Variants in ANKIB1 observed in about 807,000 individuals in gnomAD.
ANKIB1 encodes ankyrin repeat and IBR domain containing 1, also known as ankyrin repeat and IBR domain-containing protein 1.
A neutral mutation model predicts 122.1 loss-of-function variants in ANKIB1; 43 were observed. That is an observed-to-expected ratio of 0.35 (90% CI 0.28 to 0.45). The LOEUF (loss-of-function observed/expected upper bound fraction) is 0.45, where lower values mean the gene tolerates loss of function less well. ANKIB1 is among the 20% of genes least tolerant of loss of function. The pLI is 1.00. For missense variants in ANKIB1, 992 were observed against 1,329.5 expected (o/e 0.75, Z 3.95); for synonymous variants, 390 against 442.0 (o/e 0.88, Z 1.48).
intron 1 of ANKIB1, among the ~76,000 whole-genome samples, chr7:92,276,441 C>T (rs1585083681): frequency 6.6e-6 from 1 of 152,182 alleles, no homozygotes; most frequent in African/African-American, 2.4e-5. Flanking sequence ...AAAGTTTATT[C>T]CCTAGGAGAG....
intron 1 of ANKIB1, among the ~76,000 whole-genome samples, chr7:92,268,978 T>TA (rs1280058815): frequency 6.6e-6 from 1 of 152,248 alleles, no homozygotes; most frequent in African/African-American, 2.4e-5. Flanking sequence ...AAGTATAAAT[T>TA]ATTCATCATG....
At chr7:92,315,352 T>C (rs987412925) in intron 3 of ANKIB1, among the ~76,000 whole-genome samples, 1 of 152,084 alleles carries the variant, frequency 6.6e-6, no homozygotes, top group Admixed American at 6.5e-5. Flanking sequence ...ACAACTAAAG[T>C]GTTAGGGAAT....
At chr7:92,380,635 A>G (rs577284616) in intron 11 of ANKIB1, among the ~76,000 whole-genome samples, 56 of 152,320 alleles carry the variant, frequency 3.7e-4, no homozygotes, top group Admixed American at 1.3e-3. Context: ...GTGGACCTCA[A>G]GCAAACTCCA....
intron 5 of ANKIB1, among the ~76,000 whole-genome samples, chr7:92,339,093 G>A (rs183856430): frequency 4.7e-5 from 6 of 128,534 alleles, no homozygotes; most frequent in Admixed American, 1.6e-4. Context: ...CTAGGCTAGA[G>A]TGTAGTGGCA....
chr7:92,393,429 A>T (rs1447374460), intron 17 of ANKIB1, among the ~76,000 whole-genome samples: 1 of 152,126 alleles, frequency 6.6e-6, no homozygotes, highest in African/African-American at 2.4e-5. Context: ...ATGTTATAAT[A>T]CATTTACAAC....
intron 11 of ANKIB1, among the ~76,000 whole-genome samples, chr7:92,382,763 A>T (rs1241248226): frequency 6.6e-6 from 1 of 152,244 alleles, no homozygotes. Flanking sequence ...AATTTATAGC[A>T]CTAAATGCCC....
At chr7:92,348,443 T>C (rs929977823) in intron 7 of ANKIB1, among the ~76,000 whole-genome samples, 5 of 150,874 alleles carry the variant, frequency 3.3e-5, no homozygotes, top group Non-Finnish European at 7.4e-5. Context: ...AGGAGTGCAG[T>C]GGCACCATCT....
chr7:92,311,385 A>G (rs915106257), intron 3 of ANKIB1, among the ~76,000 whole-genome samples: 3 of 152,140 alleles, frequency 2.0e-5, no homozygotes, highest in South Asian at 4.1e-4. Flanking sequence ...TATTTAGAAG[A>G]TTCCTTTTAA....
rs144380190 is a variant in ANKIB1, at chr7:92,277,365, T to A, written c.-90-17524T>A. Among the ~76,000 whole-genome samples, 5 of 152,320 alleles carry A rather than the reference T, an allele frequency of 3.3e-5. No homozygotes were observed. In the East Asian group the frequency reaches 7.7e-4, roughly 23 times the overall value. ...TTTGAATTACAGTTTTTTGACTTGG[T>A]TTACAGGGGTATTAAATGCATTTTT... On this transcript the variant is annotated intron_variant, in intron 1 of 19. Coordinates refer to ENST00000265742, the MANE Select transcript of ANKIB1 (RefSeq NM_019004.2).
At chr7:92,356,898 G>A (rs1285318766) in intron 9 of ANKIB1, among the ~76,000 whole-genome samples, 1 of 152,150 alleles carries the variant, frequency 6.6e-6, no homozygotes, top group Non-Finnish European at 1.5e-5. Flanking sequence ...TTAGAACATT[G>A]CTTGGTATCC....
intron 1 of ANKIB1, among the ~76,000 whole-genome samples, chr7:92,275,121 A>G (rs1006195234): frequency 6.6e-6 from 1 of 151,918 alleles, no homozygotes; most frequent in South Asian, 2.1e-4. Flanking sequence ...CCTGTTGTGT[A>G]TTTGTTTTCC....
intron 3 of ANKIB1, among the ~76,000 whole-genome samples, chr7:92,316,701 CG>C (rs1300086757): frequency 3.9e-5 from 6 of 152,146 alleles, no homozygotes; most frequent in African/African-American, 1.4e-4. Context: ...TTACCTTCAA[CG>C]ATGACTTCTC....
At chr7:92,318,750 A>G (rs1340961388) in intron 3 of ANKIB1, among the ~76,000 whole-genome samples, 2 of 152,160 alleles carry the variant, frequency 1.3e-5, no homozygotes, top group African/African-American at 2.4e-5. Flanking sequence ...TCAAAGAGAG[A>G]TGGATAGACT....
intron 5 of ANKIB1, among the ~76,000 whole-genome samples, chr7:92,328,214 A>T (rs1803068478): frequency 6.6e-6 from 1 of 152,190 alleles, no homozygotes; most frequent in Non-Finnish European, 1.5e-5. Context: ...TGAAATCCAT[A>T]GTCCTAGCCC....
chr7:92,357,960 C>T (rs1459167071), intron 9 of ANKIB1, among the ~76,000 whole-genome samples: 1 of 151,988 alleles, frequency 6.6e-6, no homozygotes, highest in African/African-American at 2.4e-5. Context: ...ATGGCAACCT[C>T]GGCCAGGTGC....
intron 2 of ANKIB1, among the ~76,000 whole-genome samples, chr7:92,304,045 CAG>C (rs796690374): frequency 1.8e-4 from 28 of 151,508 alleles, no homozygotes; most frequent in African/African-American, 6.3e-4. Context: ...ATCCCTGTTC[CAG>C]AATTAACTTC....
intron 11 of ANKIB1, among the ~76,000 whole-genome samples, chr7:92,372,805 G>T (rs1241536904): frequency 6.6e-6 from 1 of 151,710 alleles, no homozygotes; most frequent in East Asian, 1.9e-4. Flanking sequence ...AAATTATAAT[G>T]ATATTCTGAT....
intron 16 of ANKIB1, among the ~76,000 whole-genome samples, 200 bp from the exon 17 acceptor site, chr7:92,392,041 A>G (rs560925617): frequency 1.3e-5 from 2 of 152,198 alleles, no homozygotes; most frequent in African/African-American, 4.8e-5. Flanking sequence ...TTATTTTTTG[A>G]TCATTTTACA....
intron 1 of ANKIB1, among the ~76,000 whole-genome samples, chr7:92,283,814 A>G (rs920496726): frequency 3.3e-5 from 5 of 152,120 alleles, no homozygotes; most frequent in African/African-American, 1.2e-4. Context: ...TCTGTTTCCC[A>G]GGCTGGAGTG....
Sources: gnomAD v4.1 joint callset for allele counts (sites outside exome capture counted in the v4.1 genomes callset) on GRCh38, gnomAD v4.1.1 for gene constraint, MANE v1.5 for transcripts, NCBI Gene and HGNC (gene_info 2026-07-23, HGNC 2026-07-21) for gene names.